SARAF: variants seen among roughly 807,000 people sequenced by gnomAD.
The protein encoded by SARAF is store-operated calcium entry-associated regulatory factor.
In SARAF, 23 loss-of-function variants were observed where a neutral mutation model predicts 39.7. The observed-to-expected ratio is 0.58, with a 90% CI of 0.42 to 0.82. SARAF has a LOEUF of 0.82. Ranked by LOEUF, SARAF falls within the 40% of genes least tolerant of loss-of-function variation. The pLI, the probability that SARAF is intolerant of heterozygous loss-of-function variation, is 0.00. For missense variants in SARAF, 384 were observed against 418.5 expected (o/e 0.92, Z 0.72); for synonymous variants, 175 against 168.5 (o/e 1.04, Z -0.30).
At chr8:30,081,630 G>A (rs1385107169) in intron 1 of SARAF, among the ~76,000 whole-genome samples, 1 of 152,146 alleles carries the variant, frequency 6.6e-6, no homozygotes, top group Non-Finnish European at 1.5e-5. Context: ...TAAACCTGTT[G>A]CTTAAATTCG....
At chr8:30,067,034 G>T in intron 3 of SARAF, 116 bp from the exon 4 acceptor site, 3 of 1,063,446 alleles carry the variant, frequency 2.8e-6, no homozygotes, top group Non-Finnish European at 4.1e-6. Flanking sequence ...TAATACTCAG[G>T]CATCAAGTTA....
chr8:30,070,181 G>A (rs996981935), intron 2 of SARAF, 122 bp from the exon 3 acceptor site: 20 of 848,166 alleles, frequency 2.4e-5, no homozygotes, highest in East Asian at 1.8e-4. Context: ...AGGCCAAGGC[G>A]GGTGGATCAC....
Position 30,069,789 on chromosome 8 carries a change from T to TCC in SARAF, c.551_552dup (p.Ile185GlyfsTer5). On this transcript the variant is annotated frameshift_variant, in exon 3 of 6. Transcript: ENST00000256255. LOFTEE classifies it high-confidence loss of function. The stretch of plus-strand genomic sequence containing the variant: ...AACAGCTTATAGACTACAAACGCGA[T>TCC]CCCAAGGAGTACCACAATGGTAATC... 1 of 1,614,050 alleles carries TCC rather than the reference T, an allele frequency of 6.2e-7. No homozygotes were observed.
intron 2 of SARAF, among the ~76,000 whole-genome samples, chr8:30,071,498 T>A (rs1419835425): frequency 6.6e-6 from 1 of 152,250 alleles, no homozygotes; most frequent in Non-Finnish European, 1.5e-5. Context: ...AATTCACACA[T>A]ACCATACAAT....
chr8:30,073,753 T>C lies in SARAF; in HGVS notation c.282+124A>G, dbSNP rs542852902. 15 of 706,388 alleles carry C rather than the reference T, an allele frequency of 2.1e-5. No homozygotes were observed. In the South Asian group the frequency reaches 3.7e-4, roughly 17 times the overall value. The allele number at this position is 706,388 out of a possible 1,614,324, so 43.8% of individuals were successfully genotyped here. On this transcript the variant is annotated intron_variant, in intron 2 of 5. Transcript: ENST00000256255. ...TCCACAGGAAGAGTGATTGATTTAC[T>C]TACATATTTTAGGCTGATCTGAGAT...
intron 1 of SARAF, among the ~76,000 whole-genome samples, chr8:30,076,420 C>T (rs1801967186): frequency 6.6e-6 from 1 of 152,256 alleles, no homozygotes; most frequent in Non-Finnish European, 1.5e-5. Context: ...TCAGGAACTT[C>T]CTCCAAAAAA....
At chr8:30,080,285 T>TCCCTCCTA (rs946289367) in intron 1 of SARAF, among the ~76,000 whole-genome samples, 1 of 152,184 alleles carries the variant, frequency 6.6e-6, no homozygotes, top group African/African-American at 2.4e-5. Flanking sequence ...TTTCCCTGCT[T>TCCCTCCTA]CCCTCCTACC....
intron 5 of SARAF, 175 bp downstream of exon 5, chr8:30,065,813 T>C (rs1801670262): frequency 1.4e-6 from 1 of 738,642 alleles, no homozygotes; most frequent in Non-Finnish European, 2.2e-6. Context: ...CAAATCCCTG[T>C]TTGATTTTTA....
rs746905567 is a variant in SARAF at position 30,073,867 on chromosome 8, T to C, written c.282+10A>G. The C allele has an allele frequency of 9.3e-6, 15 of 1,611,886 alleles. No individual in the cohort carries two copies. The South Asian group carries it at 1.5e-4, about 17-fold the overall frequency. On this transcript the variant is annotated intron_variant, in intron 2 of 5. Transcript: ENST00000256255. ...CCCATTTAGACTGCCATTACTGTAG[T>C]GGATATTACCTGTACATCATACCCA...
rs775796675 is a variant in SARAF, at chr8:30,066,792, A to C, written c.827T>G (p.Leu276Trp). Residue 276 changes from leucine (L) to tryptophan (W), a missense_variant, in exon 4 of 6, where the codon TTG becomes TGG. Coordinates refer to ENST00000256255, the MANE Select transcript of SARAF (RefSeq NM_016127.6). ...AAAAGCTTACCTATTGCTGCCAAAC[A>C]AATATCCTAGTATTCCACCAGTTCC... is the stretch of plus-strand genomic sequence containing the variant. ...GLGTGGILGY[L>W]FGSNRAATPF... 6.2e-7 allele frequency: 1 copy of C among 1,614,168 alleles called. No individual in the cohort carries two copies. The highest frequency in any genetic ancestry group is 1.1e-5 in the South Asian group (1 of 91,078).
intron 5 of SARAF, among the ~76,000 whole-genome samples, chr8:30,064,188 G>C (rs1482383611): frequency 6.6e-6 from 1 of 152,090 alleles, no homozygotes; most frequent in Non-Finnish European, 1.5e-5. Flanking sequence ...GGCCACCATG[G>C]TACAGGCAAT....
In SARAF at chr8:30,083,056, G is replaced by C; in HGVS notation, c.-107C>G. 1.2e-6 allele frequency: 1 copy of C among 809,880 alleles called. No homozygotes were observed. The highest frequency in any genetic ancestry group is 1.9e-6 in the Non-Finnish European group (1 of 536,062). The allele number at this position is 809,880 out of a possible 1,614,324, so 50.2% of individuals were successfully genotyped here. ...CTACACCGCTACCCCTGGCGGCGGC[G>C]AAGGAACGGCCCGACTGCAGAGCTG... is the stretch of plus-strand genomic sequence containing the variant. On this transcript the variant is annotated 5_prime_UTR_variant, in exon 1 of 6. Transcript: ENST00000256255.
chr8:30,066,381 A>G (rs183924379), intron 4 of SARAF, among the ~76,000 whole-genome samples: 25 of 152,326 alleles, frequency 1.6e-4, no homozygotes, highest in African/African-American at 5.8e-4. Context: ...CTCGAATAAA[A>G]TCTAAACTTA....
At chr8:30,075,019 G>A (rs1801925182) in intron 1 of SARAF, among the ~76,000 whole-genome samples, 1 of 152,152 alleles carries the variant, frequency 6.6e-6, no homozygotes, top group Non-Finnish European at 1.5e-5. Context: ...GAAATTTTTA[G>A]GTTGGGTGTG....
intron 3 of SARAF, 178 bp from the exon 4 acceptor site, chr8:30,067,096 G>C: frequency 1.5e-6 from 1 of 664,564 alleles, no homozygotes; most frequent in Non-Finnish European, 2.5e-6. Flanking sequence ...TTATAATGAG[G>C]GAGAGCATTT....
chr8:30,073,055 T>C (rs1168438846), intron 2 of SARAF, among the ~76,000 whole-genome samples: 2 of 152,212 alleles, frequency 1.3e-5, no homozygotes, highest in African/African-American at 2.4e-5. Flanking sequence ...GAGAATTCTA[T>C]GATTCAACTT....
intron 3 of SARAF, among the ~76,000 whole-genome samples, chr8:30,069,134 A>ATTTTTT (rs36096551): frequency 5.1e-5 from 5 of 97,840 alleles, no homozygotes; most frequent in South Asian, 3.3e-4. Flanking sequence ...TTAATCAGGC[A>ATTTTTT]TTTTTTTTTT....
intron 1 of SARAF, chr8:30,082,265 G>A (rs1429631052): frequency 6.6e-6 from 1 of 152,394 alleles, no homozygotes; most frequent in Non-Finnish European, 1.5e-5. Flanking sequence ...TTGAACCCAG[G>A]AGGCGGAGGT....
intron 2 of SARAF, among the ~76,000 whole-genome samples, chr8:30,072,530 AT>A (rs1801870420): frequency 6.6e-6 from 1 of 152,238 alleles, no homozygotes; most frequent in African/African-American, 2.4e-5. Flanking sequence ...ACTTAGGTAA[AT>A]AAAACAAGCT....
Sources: allele counts gnomAD v4.1 joint callset (sites outside exome capture counted in the v4.1 genomes callset), GRCh38; gene constraint gnomAD v4.1.1; transcripts MANE v1.5; gene names NCBI Gene and HGNC (gene_info 2026-07-23, HGNC 2026-07-21).